The following CNTNAP2 variants were observed in gnomAD, a reference collection of about 807,000 sequenced individuals.
CNTNAP2 encodes contactin associated protein 2, also known as contactin-associated protein-like 2.
In CNTNAP2, 98 loss-of-function variants were observed where a neutral mutation model predicts 155.2. The observed-to-expected ratio is 0.63, with a 90% CI of 0.54 to 0.75. The LOEUF is 0.75. CNTNAP2 is among the 30% of genes least tolerant of loss of function. CNTNAP2 has a pLI of 0.00. For missense variants in CNTNAP2, 1,727 were observed against 1,688.1 expected, an observed-to-expected ratio of 1.02 and a Z score of -0.40; for synonymous variants, 651 against 631.2, an observed-to-expected ratio of 1.03 and a Z score of -0.47.
At chr7:148,237,222 G>C (rs2116792094) in intron 20 of CNTNAP2, among the ~76,000 whole-genome samples, 1 of 152,242 alleles carries the variant, frequency 6.6e-6, no homozygotes, top group East Asian at 1.9e-4. Context: ...AAAATCAGAG[G>C]CTTAATACAA....
intron 4 of CNTNAP2, among the ~76,000 whole-genome samples, chr7:147,077,242 T>C (rs1490566627): frequency 2.0e-5 from 3 of 152,326 alleles, no homozygotes; most frequent in Non-Finnish European, 2.9e-5. Flanking sequence ...AATTAACTTT[T>C]CTTTTTTTCC....
chr7:148,306,493 C>A (rs1446469894), intron 21 of CNTNAP2, among the ~76,000 whole-genome samples: 1 of 152,122 alleles, frequency 6.6e-6, no homozygotes, highest in Non-Finnish European at 1.5e-5. Flanking sequence ...TGTTCAATTT[C>A]TTTGGCTGTT....
At chr7:146,950,905 C>G (rs1188043257) in intron 3 of CNTNAP2, among the ~76,000 whole-genome samples, 1 of 152,178 alleles carries the variant, frequency 6.6e-6, no homozygotes, top group African/African-American at 2.4e-5. Flanking sequence ...TTTACGCTCC[C>G]ACCAACAGTG....
At chr7:148,384,668 G>A (rs1730419) in intron 22 of CNTNAP2, among the ~76,000 whole-genome samples, 109,780 of 151,944 alleles carry the variant, frequency 0.72, 40,669 homozygotes, top group Admixed American at 0.81. Context: ...CCAACATTCA[G>A]TGGGTCTCCA....
intron 2 of CNTNAP2, among the ~76,000 whole-genome samples, chr7:146,805,504 A>T (rs1208655006): frequency 6.6e-6 from 1 of 152,200 alleles, no homozygotes; most frequent in Non-Finnish European, 1.5e-5. Flanking sequence ...TGGGAGCAGG[A>T]TCCAATTCTC....
intron 22 of CNTNAP2, among the ~76,000 whole-genome samples, chr7:148,405,531 G>A (rs562091558): frequency 2.5e-4 from 31 of 123,630 alleles, no homozygotes; most frequent in Admixed American, 1.1e-3. Flanking sequence ...AGGTTCAAGC[G>A]GTTCAAGCAA....
intron 1 of CNTNAP2, among the ~76,000 whole-genome samples, chr7:146,680,952 A>G (rs540756852): frequency 2.0e-5 from 3 of 152,294 alleles, no homozygotes; most frequent in Non-Finnish European, 4.4e-5. Context: ...GGAACTTCCT[A>G]TCAAAGCTGA....
chr7:148,398,935 CTT>C (rs887544463), intron 22 of CNTNAP2, among the ~76,000 whole-genome samples: 1 of 152,216 alleles, frequency 6.6e-6, no homozygotes, highest in Non-Finnish European at 1.5e-5. Context: ...TTGCTTTCCT[CTT>C]TTAACTATCA....
intron 13 of CNTNAP2, among the ~76,000 whole-genome samples, chr7:147,887,546 A>C (rs1455061768): frequency 6.6e-6 from 1 of 152,186 alleles, no homozygotes; most frequent in Non-Finnish European, 1.5e-5. Flanking sequence ...ATTGAGGAAG[A>C]TCCTTGAGGC....
rs1006549280 is a variant in CNTNAP2 at position 146,518,198 on chromosome 7, A to G, written c.98-256073A>G. On this transcript the variant is annotated intron_variant, in intron 1 of 23. Transcript: ENST00000361727. ...CAATATATATTCAAGTTACCATAGA[A>G]TTGAACGTTATCATTTCATGGGATT... Among the ~76,000 whole-genome samples, 4 of 151,990 alleles carry G rather than the reference A, an allele frequency of 2.6e-5. No individual in the cohort carries two copies. In the South Asian group the frequency reaches 6.2e-4, roughly 24 times the overall value.
At chr7:148,247,194 A>T (rs1397176491) in intron 20 of CNTNAP2, among the ~76,000 whole-genome samples, 1 of 152,174 alleles carries the variant, frequency 6.6e-6, no homozygotes, top group East Asian at 1.9e-4. Context: ...CCAACCCTTG[A>T]CCAGTCTCTG....
intron 1 of CNTNAP2, among the ~76,000 whole-genome samples, chr7:146,466,171 AG>A (rs1161490702): frequency 6.6e-6 from 1 of 152,166 alleles, no homozygotes; most frequent in African/African-American, 2.4e-5. Context: ...TTGAATACCA[AG>A]TGAGGGGATT....
At chr7:147,701,504 A>G (rs1303466451) in intron 13 of CNTNAP2, among the ~76,000 whole-genome samples, 2 of 152,160 alleles carry the variant, frequency 1.3e-5, no homozygotes, top group African/African-American at 2.4e-5. Context: ...TCATTGATAC[A>G]TTTTATTAAA....
At chr7:146,617,624 G>T (rs1405157270) in intron 1 of CNTNAP2, among the ~76,000 whole-genome samples, 1 of 152,220 alleles carries the variant, frequency 6.6e-6, no homozygotes, top group East Asian at 1.9e-4. Context: ...ACATCTAAAA[G>T]AACCGTTTAC....
chr7:147,481,105 T>G (rs1798415455), intron 10 of CNTNAP2, among the ~76,000 whole-genome samples: 1 of 152,158 alleles, frequency 6.6e-6, no homozygotes, highest in Non-Finnish European at 1.5e-5. Context: ...TCATTTCAGG[T>G]TTTACAAGAC....
intron 15 of CNTNAP2, among the ~76,000 whole-genome samples, chr7:148,003,408 GA>G (rs5888301): frequency 0.04 from 6,046 of 151,914 alleles, 249 homozygotes; most frequent in East Asian, 0.25. Context: ...AACATTAGAG[GA>G]AAAAAAATTT....
intron 1 of CNTNAP2, among the ~76,000 whole-genome samples, chr7:146,597,209 G>A (rs559884553): frequency 5.3e-5 from 8 of 152,114 alleles, no homozygotes; most frequent in African/African-American, 9.6e-5. Flanking sequence ...TTTGGTGGCC[G>A]TTGTTGGCAT....
chr7:147,042,354 T>A (rs1344001799), intron 3 of CNTNAP2, among the ~76,000 whole-genome samples: 1 of 152,180 alleles, frequency 6.6e-6, no homozygotes, highest in East Asian at 1.9e-4. Context: ...TACATAAAAT[T>A]GTTTCAATGC....
intron 10 of CNTNAP2, among the ~76,000 whole-genome samples, chr7:147,469,580 G>A (rs1016033497): frequency 2.1e-4 from 29 of 141,274 alleles, no homozygotes; most frequent in Admixed American, 1.7e-3. Context: ...GTGCAGTGGC[G>A]CGATCTCGGC....
Sources: allele counts gnomAD v4.1 joint callset (sites outside exome capture counted in the v4.1 genomes callset), GRCh38; gene constraint gnomAD v4.1.1; transcripts MANE v1.5; gene names NCBI Gene and HGNC (gene_info 2026-07-23, HGNC 2026-07-21).